The following SLC25A5 variants were observed in gnomAD, a reference collection of about 807,000 sequenced individuals.
SLC25A5 encodes ADP/ATP translocase 2.
SLC25A5 carries 4 observed loss-of-function variants against 16.5 expected under a neutral mutation model. That is an observed-to-expected ratio of 0.24 (90% CI 0.12 to 0.56). SLC25A5 has a LOEUF of 0.56. SLC25A5 is among the 20% of genes least tolerant of loss of function. SLC25A5 has a pLI of 0.93. For synonymous variants in SLC25A5, 60 were observed against 95.2 expected, an observed-to-expected ratio of 0.63 and a Z score of 2.15; for missense variants, 88 against 248.0, an observed-to-expected ratio of 0.35 and a Z score of 4.33.
rs1477712310 is a variant in SLC25A5, at chrX:119,471,255, T to C, written c.*197T>C. 1 of 304,192 alleles carries C rather than the reference T, an allele frequency of 3.3e-6. No homozygotes were observed. Among genetic ancestry groups the C allele is most frequent in the Non-Finnish European group, 5.7e-6 (1 of 175,411 alleles). 25.1% of individuals were successfully genotyped at this position (304,192 alleles called of 1,213,427 possible). The stretch of plus-strand genomic sequence containing the variant: ...TGATGATGATGATGGGACTCAATTG[T>C]ATTTTTTATTTCAGTCACTCCTGAT... On this transcript the variant is annotated 3_prime_UTR_variant, in exon 4 of 4. Transcript: ENST00000317881.
chrX:119,468,489 C>T lies in SLC25A5; in HGVS notation c.-27C>T, dbSNP rs770907853. On this transcript the variant is annotated 5_prime_UTR_variant, in exon 1 of 4. Transcript: ENST00000317881. ...AGCCGGTTCCCGGCCCAGTCCCGTC[C>T]TGCAGCAGTCTGCCTCCTCTTTCAA... The T allele has an allele frequency of 8.6e-7, 1 of 1,166,037 alleles. No homozygotes were observed. The highest frequency in any genetic ancestry group is 1.2e-6 in the Non-Finnish European group (1 of 857,352).
chrX:119,469,632 T>C, intron 1 of SLC25A5, 29 bp from the exon 2 acceptor site: 1 of 1,064,112 alleles, frequency 9.4e-7, no homozygotes, highest in Non-Finnish European at 1.2e-6. Flanking sequence ...GTTATAACTG[T>C]CCCTGTTGGC....
At position 119,469,720 on chromosome X, in the gene SLC25A5, C is replaced by T. The variant is rs1463321274; in HGVS notation, c.171C>T (p.Cys57=). 8 of 1,211,415 alleles carry T rather than the reference C, an allele frequency of 6.6e-6. No individual in the cohort carries two copies. Among genetic ancestry groups the T allele is most frequent in the East Asian group, 3.0e-5 (1 of 33,851 alleles). ...ADKQYKGIID[C]VVRIPKEQGV... ...AGCAATACAAAGGCATTATAGACTG[C>T]GTGGTCCGTATTCCCAAGGAGCAGG... is the stretch of plus-strand genomic sequence containing the variant. The change falls in exon 2 of 4, where the codon TGC becomes TGT. Residue 57 remains cysteine (C), a synonymous_variant. Coordinates refer to ENST00000317881, the MANE Select transcript of SLC25A5 (RefSeq NM_001152.5).
Position 119,470,419 on chromosome X carries a change from G to A in SLC25A5, c.645G>A (p.Met215Ile). The A allele has an allele frequency of 8.2e-7, 1 of 1,212,841 alleles. No homozygotes were observed. The highest frequency in any genetic ancestry group is 1.1e-6 in the Non-Finnish European group (1 of 895,649). ...ACACTCACATCGTCATCAGCTGGAT[G>A]ATCGCACAGACTGTCACTGCTGTTG... ...PKNTHIVISWMIAQTVTAVAG... is the reference protein window; with the variant it reads ...PKNTHIVISWIIAQTVTAVAG... The change falls in exon 3 of 4, where the codon ATG becomes ATA. Residue 215 changes from methionine to isoleucine, a missense_variant. Transcript: ENST00000317881.
In SLC25A5 at chrX:119,468,468, G is replaced by C. The variant is rs200356671; in HGVS notation, c.-48G>C. 2.7e-6 allele frequency: 3 copies of C among 1,107,793 alleles called. No individual in the cohort carries two copies. Among genetic ancestry groups the C allele is most frequent in the Non-Finnish European group, 3.7e-6 (3 of 807,673 alleles). The allele number at this position is 1,107,793 out of a possible 1,213,427, so 91.3% of individuals were successfully genotyped here. ...GCCCCGCAGCGCCGGAGTCAAAGCC[G>C]GTTCCCGGCCCAGTCCCGTCCTGCA... On this transcript the variant is annotated 5_prime_UTR_variant, in exon 1 of 4. Coordinates refer to ENST00000317881, the MANE Select transcript of SLC25A5 (RefSeq NM_001152.5).
In SLC25A5 at chrX:119,470,510, G is replaced by A; in HGVS notation, c.736G>A (p.Gly246Arg). ...RRMMMQSGRKGTDIMYTGTLD... is the reference protein window; with the variant it reads ...RRMMMQSGRKRTDIMYTGTLD... ...CATGATGATGCAGTCAGGGCGCAAA[G>A]GAAGTAAGTTCCACTTGAGCAGAAG... The change falls in exon 3 of 4, where the codon GGA becomes AGA. Residue 246 changes from glycine (G) to arginine (R), a missense_variant. Physicochemically the swap from Gly to Arg is moderately radical, Grantham distance 125. Coordinates refer to ENST00000317881, the MANE Select transcript of SLC25A5 (RefSeq NM_001152.5). 8.3e-7 allele frequency: 1 copy of A among 1,209,178 alleles called. No individual in the cohort carries two copies. Among genetic ancestry groups the A allele is most frequent in the East Asian group, 3.0e-5 (1 of 33,842 alleles).
intron 3 of SLC25A5, 81 bp from the exon 4 acceptor site, chrX:119,470,820 G>C: frequency 1.9e-6 from 2 of 1,041,642 alleles, no homozygotes; most frequent in South Asian, 4.5e-5. Flanking sequence ...TAGAGGTGGG[G>C]CTCTGCTTTA....
At chrX:119,470,565 G>T in intron 3 of SLC25A5, 52 bp downstream of exon 3, 1 of 1,137,845 alleles carries the variant, frequency 8.8e-7, no homozygotes, top group Admixed American at 2.4e-5. Flanking sequence ...GCAATCTGCT[G>T]CCACAAACTG....
rs770421249 is a variant in SLC25A5, at chrX:119,470,518, G to A, written c.739+5G>A. The A allele has an allele frequency of 9.4e-7, 1 of 1,065,032 alleles. No homozygotes were observed. Among genetic ancestry groups the A allele is most frequent in the Admixed American group, 2.8e-5 (1 of 35,674 alleles). 87.8% of individuals were successfully genotyped at this position (1,065,032 alleles called of 1,213,427 possible). A position where few individuals can be genotyped will look rare whatever the true frequency, so the allele number is the denominator to read the frequency against. On this transcript the variant is annotated splice_donor_5th_base_variant and intron_variant, in intron 3 of 3. Coordinates refer to ENST00000317881, the MANE Select transcript of SLC25A5 (RefSeq NM_001152.5). Reference sequence around the variant, plus strand: ...TGCAGTCAGGGCGCAAAGGAAGTAAGTTCCACTTGAGCAGAAGATAAAGTT... The same window carrying A: ...TGCAGTCAGGGCGCAAAGGAAGTAAATTCCACTTGAGCAGAAGATAAAGTT...
At chrX:119,469,166 G>A in intron 1 of SLC25A5, 1 of 114,608 alleles carries the variant, frequency 8.7e-6, no homozygotes, top group Non-Finnish European at 1.9e-5. Context: ...GTCTCCGCCT[G>A]CCTCCCTGCG....
intron 1 of SLC25A5, 88 bp downstream of exon 1, chrX:119,468,714 C>T: frequency 2.6e-6 from 2 of 782,324 alleles, no homozygotes; most frequent in Non-Finnish European, 3.8e-6. Context: ...GGGGAGCGAA[C>T]TCTAAAGACA....
chrX:119,468,662 G>C (rs1205921302), intron 1 of SLC25A5, 36 bp downstream of exon 1: 12 of 1,121,038 alleles, frequency 1.1e-5, no homozygotes, highest in Non-Finnish European at 1.3e-5. Context: ...ACCAGGAAGT[G>C]GGGGGAAGGG....
chrX:119,470,821 C>T, intron 3 of SLC25A5, 80 bp from the exon 4 acceptor site: 1 of 1,047,730 alleles, frequency 9.5e-7, no homozygotes, highest in East Asian at 3.0e-5. Flanking sequence ...AGAGGTGGGG[C>T]TCTGCTTTAT....
At chrX:119,468,673 T>C in intron 1 of SLC25A5, 47 bp downstream of exon 1, 1 of 1,091,403 alleles carries the variant, frequency 9.2e-7, no homozygotes, top group Non-Finnish European at 1.2e-6. Flanking sequence ...GGGGGAAGGG[T>C]CGCACAGAAG....
At position 119,468,830 on chromosome X, in the gene SLC25A5, A is replaced by AGGGGCCG. The variant is rs1242649235; in HGVS notation, c.111+210_111+216dup. On this transcript the variant is annotated intron_variant, in intron 1 of 3. Transcript: ENST00000317881. The stretch of plus-strand genomic sequence containing the variant: ...GTGACCTGAAGTAGTGAGTCTAGGA[A>AGGGGCCG]GGGGCCGGGGGCAGAGGGCAGGACC... 1.6e-3 allele frequency: 692 copies of AGGGGCCG among 426,330 alleles called. 3 individuals carry two copies. The highest frequency in any genetic ancestry group is 0.011 in the Middle Eastern group (17 of 1,551). 35.1% of individuals were successfully genotyped at this position (426,330 alleles called of 1,213,427 possible). A position where few individuals can be genotyped will look rare whatever the true frequency, so the allele number is the denominator to read the frequency against.
rs1339695365 is a variant in SLC25A5, at chrX:119,471,204, C to T, written c.*146C>T. 3 of 416,159 alleles carry T rather than the reference C, an allele frequency of 7.2e-6. No individual in the cohort carries two copies. The highest frequency in any genetic ancestry group is 1.1e-5 in the Non-Finnish European group (3 of 264,012). 34.3% of individuals were successfully genotyped at this position (416,159 alleles called of 1,213,427 possible). ...ATGGGAAGCAATAATATTCATCTGA[C>T]CAGTTTTCTCTTAAAGCCATTTCCA... On this transcript the variant is annotated 3_prime_UTR_variant, in exon 4 of 4. Coordinates refer to ENST00000317881, the MANE Select transcript of SLC25A5 (RefSeq NM_001152.5).
chrX:119,470,821 C>A, intron 3 of SLC25A5, 80 bp from the exon 4 acceptor site: 1 of 1,047,727 alleles, frequency 9.5e-7, no homozygotes, highest in Non-Finnish European at 1.3e-6. Flanking sequence ...AGAGGTGGGG[C>A]TCTGCTTTAT....
chrX:119,468,533 G>A lies in SLC25A5; in HGVS notation c.18G>A (p.Val6=), dbSNP rs761468080. The A allele has an allele frequency of 8.3e-7, 1 of 1,210,724 alleles. No individual in the cohort carries two copies. Among genetic ancestry groups the A allele is most frequent in the African/African-American group, 1.7e-5 (1 of 58,113 alleles). Reference sequence around the variant, plus strand: ...CTTTCAACATGACAGATGCCGCTGTGTCCTTCGCCAAGGACTTCCTGGCAG... The same window carrying A: ...CTTTCAACATGACAGATGCCGCTGTATCCTTCGCCAAGGACTTCCTGGCAG... MTDAA[V]SFAKDFLAGG... is the part of the protein sequence containing the mutation. The change falls in exon 1 of 4, where the codon GTG becomes GTA. Residue 6 remains valine (V), a synonymous_variant. Transcript: ENST00000317881.
rs759453799 is a variant in SLC25A5, at chrX:119,471,022, G to C, written c.861G>C (p.Val287=). The change falls in exon 4 of 4, where the codon GTG becomes GTC. Residue 287 remains valine, a synonymous_variant. Transcript: ENST00000317881. ...NVLRGMGGAF[V]LVLYDEIKKY... ...TCAGAGGCATGGGTGGTGCTTTTGTGCTTGTCTTGTATGATGAAATCAAGA... is the reference window on the plus strand; with the variant it reads ...TCAGAGGCATGGGTGGTGCTTTTGTCCTTGTCTTGTATGATGAAATCAAGA... 2 of 1,211,265 alleles carry C rather than the reference G, an allele frequency of 1.7e-6. No individual in the cohort carries two copies. Among genetic ancestry groups the C allele is most frequent in the Non-Finnish European group, 2.2e-6 (2 of 895,028 alleles).
Sources: gnomAD v4.1 joint callset for allele counts on GRCh38, gnomAD v4.1.1 for gene constraint, MANE v1.5 for transcripts, NCBI Gene and HGNC (gene_info 2026-07-23, HGNC 2026-07-21) for gene names.